LOC128462377: variants seen among roughly 807,000 people sequenced by gnomAD.
At chr16:89,387,590 G>C in the LOC128462377 span, among the ~76,000 whole-genome samples, 1 of 150,340 alleles carries the variant, frequency 6.7e-6, no homozygotes, top group Non-Finnish European at 1.5e-5. Flanking sequence ...GGAGAATGGC[G>C]GGAACCCGGG....
chr16:89,355,938 G>A, the LOC128462377 span, among the ~76,000 whole-genome samples: 3 of 152,306 alleles, frequency 2.0e-5, no homozygotes, highest in African/African-American at 4.8e-5. Flanking sequence ...GGAACGCTAA[G>A]TGACTCGCCC....
At chr16:89,356,549 A>ATCACGAGG in the LOC128462377 span, among the ~76,000 whole-genome samples, 1 of 151,570 alleles carries the variant, frequency 6.6e-6, no homozygotes, top group Admixed American at 6.6e-5. Context: ...AGGCGGGCGG[A>ATCACGAGG]TCACGAGGTC....
At chr16:89,367,596 C>G in the LOC128462377 span, among the ~76,000 whole-genome samples, 1 of 152,218 alleles carries the variant, frequency 6.6e-6, no homozygotes, top group African/African-American at 2.4e-5. Flanking sequence ...CTCAGCCTGA[C>G]AAGTCCACAT....
the LOC128462377 span, among the ~76,000 whole-genome samples, chr16:89,394,112 G>C: frequency 1.3e-5 from 2 of 152,142 alleles, no homozygotes; most frequent in Non-Finnish European, 2.9e-5. Flanking sequence ...ACAGTCCCAG[G>C]TTCCAGGCAG....
chr16:89,373,202 C>T, the LOC128462377 span: 21 of 152,354 alleles, frequency 1.4e-4, no homozygotes, highest in African/African-American at 3.8e-4. Context: ...AAAACTAAGA[C>T]GTTTACCCAA....
At chr16:89,329,876 C>T in the LOC128462377 span, among the ~76,000 whole-genome samples, 12 of 151,934 alleles carry the variant, frequency 7.9e-5, no homozygotes, top group African/African-American at 2.4e-4. Context: ...CATGGTGGTG[C>T]GTGCCTGTAA....
chr16:89,411,821 G>T, the LOC128462377 span, among the ~76,000 whole-genome samples: 8 of 152,164 alleles, frequency 5.3e-5, no homozygotes, highest in African/African-American at 1.9e-4. Context: ...AAAGAGACTA[G>T]AATTCTCAGC....
At chr16:89,384,603 G>C in the LOC128462377 span, among the ~76,000 whole-genome samples, 31 of 152,122 alleles carry the variant, frequency 2.0e-4, no homozygotes, top group Non-Finnish European at 4.3e-4. Context: ...GACAGAGCAG[G>C]GCAGCTTCTG....
chr16:89,367,761 C>G, the LOC128462377 span, among the ~76,000 whole-genome samples: 1 of 152,224 alleles, frequency 6.6e-6, no homozygotes, highest in Non-Finnish European at 1.5e-5. Context: ...GGCTGCATGT[C>G]CACCTGCTGC....
chr16:89,401,562 AT>A, the LOC128462377 span, among the ~76,000 whole-genome samples: 2 of 152,118 alleles, frequency 1.3e-5, no homozygotes, highest in African/African-American at 4.8e-5. Flanking sequence ...ATTACAGGCG[AT>A]TTTTACTTTC....
At chr16:89,413,984 C>G in the LOC128462377 span, among the ~76,000 whole-genome samples, 1 of 152,060 alleles carries the variant, frequency 6.6e-6, no homozygotes, top group Non-Finnish European at 1.5e-5. Flanking sequence ...GGAGGGGGCT[C>G]GGCTCTGGCT....
chr16:89,317,402 G>A, the LOC128462377 span, among the ~76,000 whole-genome samples: 1 of 152,180 alleles, frequency 6.6e-6, no homozygotes, highest in Non-Finnish European at 1.5e-5. Context: ...GGTCCCACCT[G>A]GTACAGGCTA....
At chr16:89,415,829 CAAAAA>C in the LOC128462377 span, among the ~76,000 whole-genome samples, 30 of 39,742 alleles carry the variant, frequency 7.5e-4, no homozygotes, top group South Asian at 1.2e-3. Flanking sequence ...GACTCTGTCT[CAAAAA>C]AAAAAAAAAA....
the LOC128462377 span, among the ~76,000 whole-genome samples, chr16:89,346,704 A>T: frequency 5.1e-3 from 779 of 152,336 alleles, 8 homozygotes; most frequent in African/African-American, 0.018. Context: ...CAGAGATGCT[A>T]TACAGCAAGG....
At chr16:89,362,488 G>A in the LOC128462377 span, among the ~76,000 whole-genome samples, 2 of 152,198 alleles carry the variant, frequency 1.3e-5, no homozygotes, top group African/African-American at 4.8e-5. Context: ...TCAATCCCAC[G>A]TGACTGAACC....
At chr16:89,404,519 T>G in the LOC128462377 span, among the ~76,000 whole-genome samples, 3 of 152,306 alleles carry the variant, frequency 2.0e-5, no homozygotes, top group African/African-American at 7.2e-5. Context: ...GCCAACAGTT[T>G]GAAGGGTATG....
the LOC128462377 span, among the ~76,000 whole-genome samples, chr16:89,374,683 C>G: frequency 1.3e-5 from 2 of 152,144 alleles, no homozygotes; most frequent in African/African-American, 4.8e-5. Context: ...CAGAGAGCAT[C>G]GGGAAAAGCA....
At chr16:89,409,872 C>T in the LOC128462377 span, among the ~76,000 whole-genome samples, 12 of 143,046 alleles carry the variant, frequency 8.4e-5, no homozygotes, top group Non-Finnish European at 1.5e-4. Flanking sequence ...GGGAGTCTCG[C>T]TCTGTCGCCC....
At chr16:89,327,081 T>TGGGAATGCAGAGGTG in the LOC128462377 span, among the ~76,000 whole-genome samples, 1 of 142,192 alleles carries the variant, frequency 7.0e-6, no homozygotes, top group African/African-American at 2.7e-5. Context: ...ATGCAGAGGT[T>TGGGAATGCAGAGGTG]GGAAATGCAG....
Sources: allele counts gnomAD v4.1 joint callset (sites outside exome capture counted in the v4.1 genomes callset), GRCh38; gene constraint gnomAD v4.1.1; transcripts MANE v1.5.